The following CELF4 variants were observed in gnomAD, a reference collection of about 807,000 sequenced individuals.
The protein encoded by CELF4 is CUGBP Elav-like family member 4.
CELF4 carries 18 observed loss-of-function variants against 59.9 expected under a neutral mutation model. The observed-to-expected ratio is 0.30, with a 90% CI of 0.21 to 0.45. The LOEUF (loss-of-function observed/expected upper bound fraction) is 0.45, where lower values mean the gene tolerates loss of function less well. Ranked by LOEUF, CELF4 falls within the 20% of genes least tolerant of loss-of-function variation. CELF4 has a pLI of 1.00. For synonymous variants in CELF4, 261 were observed against 267.1 expected, an observed-to-expected ratio of 0.98 and a Z score of 0.22; for missense variants, 456 against 689.0, an observed-to-expected ratio of 0.66 and a Z score of 3.79.
intron 2 of CELF4, among the ~76,000 whole-genome samples, chr18:37,389,784 C>T (rs577842883): frequency 1.4e-4 from 21 of 152,286 alleles, no homozygotes; most frequent in Non-Finnish European, 2.2e-4. Context: ...TCCAGTATAC[C>T]GCAAAATGCT....
intron 2 of CELF4, among the ~76,000 whole-genome samples, chr18:37,409,025 A>C (rs547316619): frequency 2.6e-5 from 4 of 152,156 alleles, no homozygotes; most frequent in Admixed American, 1.3e-4. Flanking sequence ...AATGACTCCA[A>C]ATGAAGGCTC....
intron 2 of CELF4, among the ~76,000 whole-genome samples, chr18:37,353,749 C>T (rs979589978): frequency 4.1e-4 from 8 of 19,524 alleles, no homozygotes; most frequent in Middle Eastern, 0.023. Context: ...CTGGTGGGGG[C>T]GGGGGGGGCA....
At chr18:37,472,049 C>A (rs1252393582) in intron 2 of CELF4, among the ~76,000 whole-genome samples, 1 of 152,234 alleles carries the variant, frequency 6.6e-6, no homozygotes, top group Non-Finnish European at 1.5e-5. Context: ...ACCCAGATTC[C>A]AGGGGTGCTG....
intron 2 of CELF4, among the ~76,000 whole-genome samples, chr18:37,324,971 G>A (rs2097254483): frequency 6.6e-6 from 1 of 152,204 alleles, no homozygotes; most frequent in Admixed American, 6.5e-5. Flanking sequence ...CTGGGAACAG[G>A]TGGAATGGGC....
intron 2 of CELF4, among the ~76,000 whole-genome samples, chr18:37,334,086 G>A (rs190870547): frequency 7.2e-5 from 11 of 152,268 alleles, no homozygotes; most frequent in Non-Finnish European, 1.0e-4. Flanking sequence ...TGGCTCTTGG[G>A]TATTTGCTCA....
intron 2 of CELF4, among the ~76,000 whole-genome samples, chr18:37,466,102 A>G (rs1941947): frequency 0.89 from 135,971 of 152,268 alleles, 60,802 homozygotes; most frequent in East Asian, 1. Context: ...ACAAGGGGCC[A>G]GCTAAGTCGC....
chr18:37,510,854 C>A (rs779399629), intron 1 of CELF4, among the ~76,000 whole-genome samples: 1 of 152,236 alleles, frequency 6.6e-6, no homozygotes, highest in African/African-American at 2.4e-5. Context: ...ACAGTCAGTG[C>A]TGACCCAGGG....
intron 1 of CELF4, among the ~76,000 whole-genome samples, chr18:37,554,567 A>G: frequency 6.6e-6 from 1 of 151,960 alleles, no homozygotes; most frequent in East Asian, 1.9e-4. Context: ...CTTATTCATC[A>G]TCATGCCCAG....
chr18:37,413,553 G>A (rs1038926566), intron 2 of CELF4, among the ~76,000 whole-genome samples: 1 of 152,064 alleles, frequency 6.6e-6, no homozygotes, highest in African/African-American at 2.4e-5. Context: ...ATGTATTTTG[G>A]GCATCGCCTG....
intron 3 of CELF4, among the ~76,000 whole-genome samples, chr18:37,309,410 T>C (rs2096564103): frequency 6.6e-6 from 1 of 151,572 alleles, no homozygotes; most frequent in African/African-American, 2.4e-5. Context: ...TTGGAGGCTC[T>C]GGGGTGACTT....
At chr18:37,514,939 G>C (rs2099948948) in intron 1 of CELF4, among the ~76,000 whole-genome samples, 1 of 152,106 alleles carries the variant, frequency 6.6e-6, no homozygotes, top group Admixed American at 6.5e-5. Flanking sequence ...TTTTAAAAAT[G>C]TATCCAAGCA....
intron 1 of CELF4, chr18:37,529,041 G>A (rs1008292809): frequency 7.9e-5 from 12 of 152,000 alleles, no homozygotes; most frequent in African/African-American, 2.9e-4. Context: ...AGGCTCTAGG[G>A]TAGGATGACC....
intron 2 of CELF4, among the ~76,000 whole-genome samples, chr18:37,402,774 G>A (rs2154582019): frequency 6.6e-6 from 1 of 152,316 alleles, no homozygotes; most frequent in Middle Eastern, 3.4e-3. Context: ...CTGCCCTGGG[G>A]ACTGGCCAGG....
intron 1 of CELF4, among the ~76,000 whole-genome samples, chr18:37,533,277 CCA>C (rs1336974135): frequency 2.6e-5 from 4 of 152,200 alleles, no homozygotes; most frequent in African/African-American, 9.7e-5. Context: ...GTAGGGAACC[CCA>C]GAGAGGAGAC....
At chr18:37,474,064 GAGA>G (rs1221993498) in intron 2 of CELF4, 1 of 152,212 alleles carries the variant, frequency 6.6e-6, no homozygotes, top group African/African-American at 2.4e-5. Context: ...CGACAGCAGT[GAGA>G]AGGACTCTGT....
chr18:37,307,091 G>A (rs570321499), intron 3 of CELF4, among the ~76,000 whole-genome samples: 1 of 152,230 alleles, frequency 6.6e-6, no homozygotes, highest in Admixed American at 6.5e-5. Flanking sequence ...GGAGCGGTGA[G>A]GGAAGGTAGG....
At chr18:37,287,981 G>A (rs1415832809) in intron 3 of CELF4, among the ~76,000 whole-genome samples, 1 of 152,190 alleles carries the variant, frequency 6.6e-6, no homozygotes, top group East Asian at 1.9e-4. Context: ...AAATGCAAAG[G>A]TCAGAAAATC....
rs75073707 is a variant in CELF4 at position 37,423,553 on chromosome 18, G to C, written c.369+61972C>G. Among the ~76,000 whole-genome samples, 230 of 152,254 alleles carry C rather than the reference G, an allele frequency of 1.5e-3. 5 individuals are homozygous for C. The East Asian group carries it at 0.04, about 26-fold the overall frequency. On this transcript the variant is annotated intron_variant, in intron 2 of 12. Coordinates refer to ENST00000420428, the MANE Select transcript of CELF4 (RefSeq NM_020180.4). ...GGTGACTGTCCTCTCACTCCTCCCA[G>C]GTCCCTGGCCTGGTGTTCTTCTTCC... is the stretch of plus-strand genomic sequence containing the variant.
intron 1 of CELF4, among the ~76,000 whole-genome samples, chr18:37,529,387 G>A (rs574305780): frequency 1.3e-5 from 2 of 152,284 alleles, no homozygotes; most frequent in African/African-American, 4.8e-5. Flanking sequence ...AGGTGCTTAC[G>A]ACACTGTCTC....
Sources: gnomAD v4.1 joint callset for allele counts (sites outside exome capture counted in the v4.1 genomes callset) on GRCh38, gnomAD v4.1.1 for gene constraint, MANE v1.5 for transcripts, NCBI Gene and HGNC (gene_info 2026-07-23, HGNC 2026-07-21) for gene names.